PDE8B: variants seen among roughly 807,000 people sequenced by gnomAD.
PDE8B encodes the protein phosphodiesterase 8B, also known as high affinity cAMP-specific and IBMX-insensitive 3',5'-cyclic phosphodiesterase 8B.
A neutral mutation model predicts 101.3 loss-of-function variants in PDE8B; 26 were observed. The ratio of observed to expected loss-of-function variants is 0.26; its 90% CI spans 0.19 to 0.36. The LOEUF is 0.36. PDE8B is among the 10% of genes least tolerant of loss of function. PDE8B has a pLI of 1.00. For missense variants in PDE8B, 810 were observed against 1,163.1 expected, an observed-to-expected ratio of 0.70 and a Z score of 4.42; for synonymous variants, 424 against 429.3, an observed-to-expected ratio of 0.99 and a Z score of 0.15.
chr5:77,348,802 C>T (rs1780587882), intron 7 of PDE8B, among the ~76,000 whole-genome samples: 1 of 152,186 alleles, frequency 6.6e-6, no homozygotes, highest in Admixed American at 6.5e-5. Flanking sequence ...TCTGCCTCAG[C>T]CTCCTGAATA....
Position 77,423,632 on chromosome 5 carries a change from G to GTTTTTTTTTTTTTTTTTTTT in PDE8B, c.2418+1652_2418+1671dup, listed in dbSNP as rs71594634. 8.9e-4 allele frequency among the ~76,000 whole-genome samples: 66 copies of GTTTTTTTTTTTTTTTTTTTT among 74,046 alleles called. 14 individuals carry two copies. The highest frequency in any genetic ancestry group is 1.4e-3 in the Non-Finnish European group (52 of 38,408). The allele number at this position is 74,046 out of a possible 152,430, so 48.6% of individuals were successfully genotyped here. On this transcript the variant is annotated intron_variant, in intron 20 of 21. Coordinates refer to ENST00000264917, the MANE Select transcript of PDE8B (RefSeq NM_003719.5). ...TGATGCTGGACTTTTGTTTTGTTTAGTTTTTTTTTTTTTTTTTTTTTTTTT... is the reference window on the plus strand; with the variant it reads ...TGATGCTGGACTTTTGTTTTGTTTAGTTTTTTTTTTTTTTTTTTTTTTTTTTTTTTTTTTTTTTTTTTTTT...
chr5:77,305,634 C>T (rs768712761), intron 1 of PDE8B, among the ~76,000 whole-genome samples: 2 of 152,148 alleles, frequency 1.3e-5, no homozygotes, highest in Admixed American at 1.3e-4. Flanking sequence ...AGCCAGAGGA[C>T]AGACAGGGGC....
intron 18 of PDE8B, among the ~76,000 whole-genome samples, chr5:77,419,031 C>G (rs908346845): frequency 2.0e-5 from 3 of 152,138 alleles, no homozygotes; most frequent in African/African-American, 7.2e-5. Context: ...GGAGCTCACT[C>G]GGGCCTCAGG....
the PDE8B span, among the ~76,000 whole-genome samples, chr5:77,168,779 A>G: frequency 2.0e-3 from 304 of 152,234 alleles, 1 homozygote; most frequent in Non-Finnish European, 3.3e-3. Context: ...CAGACACAGC[A>G]TTTCTAACAT....
intron 10 of PDE8B, among the ~76,000 whole-genome samples, chr5:77,370,087 A>G (rs1784824209): frequency 6.6e-6 from 1 of 152,190 alleles, no homozygotes; most frequent in Non-Finnish European, 1.5e-5. Flanking sequence ...AATAAATTTC[A>G]TCTATTAGTA....
intron 17 of PDE8B, 61 bp from the exon 18 acceptor site, chr5:77,418,168 G>A (rs916357118): frequency 4.6e-6 from 5 of 1,077,694 alleles, no homozygotes; most frequent in South Asian, 1.3e-5. Flanking sequence ...CACAGACAAG[G>A]ATGGATGTGG....
the PDE8B span, among the ~76,000 whole-genome samples, chr5:77,182,410 T>A: frequency 6.6e-6 from 1 of 152,042 alleles, no homozygotes; most frequent in African/African-American, 2.4e-5. Context: ...CTGGGAAGGA[T>A]CTCACATAGA....
chr5:77,423,074 A>G (rs1797032715), intron 20 of PDE8B, among the ~76,000 whole-genome samples: 1 of 152,136 alleles, frequency 6.6e-6, no homozygotes, highest in African/African-American at 2.4e-5. Flanking sequence ...GTGTGTACCC[A>G]ATGTTTAGCT....
At chr5:77,245,833 A>ACC (rs1561407118) in intron 1 of PDE8B, among the ~76,000 whole-genome samples, 2 of 23,832 alleles carry the variant, frequency 8.4e-5, no homozygotes, top group Non-Finnish European at 6.9e-5. Flanking sequence ...CTCTCCTATA[A>ACC]CCTCCTCCCC....
intron 1 of PDE8B, among the ~76,000 whole-genome samples, chr5:77,229,594 C>T (rs1351268804): frequency 6.6e-6 from 1 of 152,050 alleles, no homozygotes; most frequent in Non-Finnish European, 1.5e-5. Flanking sequence ...AGTTCCAATC[C>T]CCACCCCTCC....
the PDE8B span, among the ~76,000 whole-genome samples, chr5:77,129,567 G>A: frequency 1.3e-5 from 2 of 152,188 alleles, no homozygotes; most frequent in Non-Finnish European, 2.9e-5. Flanking sequence ...TATCAGGGCC[G>A]GGGCCAGGCA....
intron 1 of PDE8B, among the ~76,000 whole-genome samples, chr5:77,300,928 T>C (rs1252199748): frequency 6.6e-6 from 1 of 152,260 alleles, no homozygotes; most frequent in Non-Finnish European, 1.5e-5. Context: ...TTGCATTTTG[T>C]GGCTGACTTT....
intron 2 of PDE8B, among the ~76,000 whole-genome samples, chr5:77,320,713 GGTCA>G (rs1774857504): frequency 6.6e-6 from 1 of 152,090 alleles, no homozygotes; most frequent in Admixed American, 6.5e-5. Context: ...GCAAGCACAA[GGTCA>G]GTTAGCTGTT....
At chr5:77,178,621 G>A in the PDE8B span, among the ~76,000 whole-genome samples, 3 of 152,146 alleles carry the variant, frequency 2.0e-5, no homozygotes, top group Non-Finnish European at 4.4e-5. Context: ...ACATAACAAA[G>A]TACAAATTCA....
At chr5:77,293,250 T>C (rs1442983375) in intron 1 of PDE8B, among the ~76,000 whole-genome samples, 2 of 152,256 alleles carry the variant, frequency 1.3e-5, no homozygotes, top group Non-Finnish European at 2.9e-5. Context: ...ACTATTTTGA[T>C]AGTTGTATCT....
chr5:77,236,008 C>G (rs1214050457), intron 1 of PDE8B, among the ~76,000 whole-genome samples: 1 of 152,132 alleles, frequency 6.6e-6, no homozygotes, highest in African/African-American at 2.4e-5. Flanking sequence ...GGCAAAGTCA[C>G]GATTGACACC....
At chr5:77,212,705 G>A (rs956289961) in intron 1 of PDE8B, among the ~76,000 whole-genome samples, 2 of 152,178 alleles carry the variant, frequency 1.3e-5, no homozygotes, top group Non-Finnish European at 2.9e-5. Context: ...ATTCGTTACA[G>A]AGGCATGTGC....
chr5:77,417,775 C>A (rs1795867927), intron 17 of PDE8B, among the ~76,000 whole-genome samples: 1 of 152,122 alleles, frequency 6.6e-6, no homozygotes, highest in Non-Finnish European at 1.5e-5. Context: ...ACCTGGTACT[C>A]TTTTACTCTT....
chr5:77,363,216 T>G (rs1783462659), intron 10 of PDE8B, among the ~76,000 whole-genome samples: 1 of 152,186 alleles, frequency 6.6e-6, no homozygotes, highest in African/African-American at 2.4e-5. Context: ...CTTGAAGTGG[T>G]CAAGAAGCCT....
Sources: gnomAD v4.1 joint callset for allele counts (sites outside exome capture counted in the v4.1 genomes callset) on GRCh38, gnomAD v4.1.1 for gene constraint, MANE v1.5 for transcripts, NCBI Gene and HGNC (gene_info 2026-07-23, HGNC 2026-07-21) for gene names.